The following INPP5A variants were observed in gnomAD, a reference collection of about 807,000 sequenced individuals.
INPP5A encodes the protein inositol polyphosphate-5-phosphatase A, also known as 43 kDa inositol polyphosphate 5-phophatase.
In INPP5A, 14 loss-of-function variants were observed where a neutral mutation model predicts 65.2. The observed-to-expected ratio is 0.21, with a 90% CI of 0.14 to 0.34. The LOEUF is 0.34. INPP5A is among the 10% of genes least tolerant of loss of function. The pLI, the probability that INPP5A is intolerant of heterozygous loss-of-function variation, is 1.00. For synonymous variants in INPP5A, 207 were observed against 208.3 expected (o/e 0.99, Z 0.05); for missense variants, 431 against 545.6 (o/e 0.79, Z 2.09).
At chr10:132,752,357 G>A (rs1175749087) in intron 11 of INPP5A, among the ~76,000 whole-genome samples, 4 of 151,530 alleles carry the variant, frequency 2.6e-5, no homozygotes, top group African/African-American at 9.7e-5. Context: ...GGCTCCCTCA[G>A]CCACAGGTAG....
At chr10:132,708,851 T>C (rs1227255739) in intron 7 of INPP5A, among the ~76,000 whole-genome samples, 2 of 152,164 alleles carry the variant, frequency 1.3e-5, no homozygotes, top group African/African-American at 4.8e-5. Flanking sequence ...CGCCCCACCT[T>C]TTCTGCATCA....
At chr10:132,774,968 AGAGGGACAGGGAG>A (rs1423389853) in intron 12 of INPP5A, among the ~76,000 whole-genome samples, 5 of 55,864 alleles carry the variant, frequency 9.0e-5, no homozygotes, top group Non-Finnish European at 1.1e-4. Context: ...CAGGGAGGAG[AGAGGGACAGGGAG>A]GAGGGGCAGG....
intron 1 of INPP5A, among the ~76,000 whole-genome samples, chr10:132,568,004 A>T (rs2071292795): frequency 1.3e-5 from 2 of 152,150 alleles, no homozygotes. Flanking sequence ...CATCCTGGCC[A>T]ACATAGTGAA....
chr10:132,608,591 G>T (rs934884052), intron 2 of INPP5A, among the ~76,000 whole-genome samples: 2 of 152,208 alleles, frequency 1.3e-5, no homozygotes. Flanking sequence ...GTGGGGTGGC[G>T]CCAGAGGCCT....
chr10:132,697,918 A>G lies in INPP5A; in HGVS notation c.473A>G (p.Glu158Gly). The change falls in exon 6 of 16, where the codon GAG becomes GGG. Residue 158 changes from glutamate to glycine, a missense_variant and splice_region_variant. Glu to Gly is a moderately conservative substitution (Grantham distance 98). Transcript: ENST00000368594. The surrounding 1 kb of genome is among the most constrained non-coding windows in gnomAD (Gnocchi z 5.6). ...AAGTTTCCGCAGGACTACTTCCCCGAGGTACGTAGCGAGGCTTTCTCACTG... is the reference window on the plus strand; with the variant it reads ...AAGTTTCCGCAGGACTACTTCCCCGGGGTACGTAGCGAGGCTTTCTCACTG... ...KEKFPQDYFP[E>G]CKWSRKGFIR... 1 of 1,600,926 alleles carries G rather than the reference A, an allele frequency of 6.2e-7. No homozygotes were observed. Among genetic ancestry groups the G allele is most frequent in the Non-Finnish European group, 8.6e-7 (1 of 1,168,348 alleles).
chr10:132,748,424 G>T (rs2134634314), intron 9 of INPP5A, among the ~76,000 whole-genome samples: 1 of 152,300 alleles, frequency 6.6e-6, no homozygotes, highest in South Asian at 2.1e-4. Flanking sequence ...CCCTTGTTCG[G>T]TGAGGTTCTA....
intron 2 of INPP5A, among the ~76,000 whole-genome samples, chr10:132,614,329 T>C (rs1276474907): frequency 6.6e-6 from 1 of 152,092 alleles, no homozygotes; most frequent in Non-Finnish European, 1.5e-5. Flanking sequence ...TAGCCAGGCA[T>C]GGTGGTGGGC....
intron 8 of INPP5A, among the ~76,000 whole-genome samples, chr10:132,712,959 G>C (rs544349189): frequency 6.7e-6 from 1 of 149,464 alleles, no homozygotes; most frequent in South Asian, 2.1e-4. Context: ...TGGGTGTGTG[G>C]GTGCATGTGG....
chr10:132,775,151 GGAGGAGAGAGGGGCAGA>G (rs879401294), intron 12 of INPP5A, among the ~76,000 whole-genome samples: 15 of 114,734 alleles, frequency 1.3e-4, no homozygotes, highest in Non-Finnish European at 2.0e-4. Context: ...AGAGGGGCAG[GGAGGAGAGAGGGGCAGA>G]GAGGAGGGGC....
chr10:132,610,022 G>A (rs1213714771), intron 2 of INPP5A, among the ~76,000 whole-genome samples: 1 of 152,242 alleles, frequency 6.6e-6, no homozygotes, highest in East Asian at 1.9e-4. Context: ...CAGCCCCGCA[G>A]GAGCAGAGTT....
At chr10:132,557,139 G>A (rs1050072912) in intron 1 of INPP5A, among the ~76,000 whole-genome samples, 5 of 152,234 alleles carry the variant, frequency 3.3e-5, no homozygotes, top group African/African-American at 1.2e-4. Context: ...CGACGGGCCC[G>A]GCTTTCTGGG....
At chr10:132,712,021 G>C in intron 8 of INPP5A, among the ~76,000 whole-genome samples, 1 of 152,218 alleles carries the variant, frequency 6.6e-6, no homozygotes, top group Non-Finnish European at 1.5e-5. Context: ...AGATGCTCAA[G>C]AGCAGGAGTG....
At position 132,545,661 on chromosome 10, in the gene INPP5A, C is replaced by G. The variant is rs1430130004; in HGVS notation, c.75+7490C>G. Among the ~76,000 whole-genome samples, 1 of 152,220 alleles carries G rather than the reference C, an allele frequency of 6.6e-6. No homozygotes were observed. Among genetic ancestry groups the G allele is most frequent in the African/African-American group, 2.4e-5 (1 of 41,456 alleles). On this transcript the variant is annotated intron_variant, in intron 1 of 15. Transcript: ENST00000368594. The surrounding 1 kb of genome is among the most constrained non-coding windows in gnomAD (Gnocchi z 4.6). ...CGGACCTGAAAGTGCTGTCAAGTTC[C>G]CCCTTCCTTTGCTCGGTTTCATTAA...
In INPP5A at chr10:132,707,221, C is replaced by T. The variant is rs1026476146; in HGVS notation, c.475-1092C>T. On this transcript the variant is annotated intron_variant, in intron 6 of 15. Coordinates refer to ENST00000368594, the MANE Select transcript of INPP5A (RefSeq NM_005539.5). This position sits in a 1 kb window ranked among gnomAD's most constrained non-coding sequence, Gnocchi z 5.5. ...CTGTCCTGCTTTCCTTCTCTGCCAG[C>T]CCATGAGCACCAAGAACAGCAGCCC... Among the ~76,000 whole-genome samples the T allele has an allele frequency of 6.6e-5, 10 of 152,214 alleles. No homozygotes were observed. The highest frequency in any genetic ancestry group is 2.4e-4 in the African/African-American group (10 of 41,452).
chr10:132,670,022 C>A (rs1157937637), intron 4 of INPP5A, among the ~76,000 whole-genome samples: 1 of 146,682 alleles, frequency 6.8e-6, no homozygotes, highest in African/African-American at 2.5e-5. Context: ...CAGCCACTGA[C>A]CCCACACCCC....
Position 132,697,769 on chromosome 10 carries a change from G to T in INPP5A, c.371-47G>T, listed in dbSNP as rs1241630988. 5 of 1,313,352 alleles carry T rather than the reference G, an allele frequency of 3.8e-6. No homozygotes were observed. The highest frequency in any genetic ancestry group is 4.7e-5 in the East Asian group (2 of 42,920). 81.4% of individuals were successfully genotyped at this position (1,313,352 alleles called of 1,614,324 possible). A position where few individuals can be genotyped will look rare whatever the true frequency, so the allele number is the denominator to read the frequency against. On this transcript the variant is annotated intron_variant, in intron 5 of 15. Coordinates refer to ENST00000368594, the MANE Select transcript of INPP5A (RefSeq NM_005539.5). The surrounding 1 kb of genome is among the most constrained non-coding windows in gnomAD (Gnocchi z 5.6). ...AGGTTGTGCTCCAGGCTGGTTGGAT[G>T]GGGCACAGTGATGGGATAGTCACCT...
intron 2 of INPP5A, among the ~76,000 whole-genome samples, chr10:132,618,198 T>C (rs2072065949): frequency 6.6e-6 from 1 of 152,226 alleles, no homozygotes; most frequent in Admixed American, 6.5e-5. Context: ...TGTTTATTTA[T>C]CAGGGAGAGA....
chr10:132,691,937 G>A (rs978285750), intron 5 of INPP5A, among the ~76,000 whole-genome samples: 1 of 152,064 alleles, frequency 6.6e-6, no homozygotes, highest in Admixed American at 6.5e-5. Flanking sequence ...GTGCGGTCGC[G>A]GGAGGCGTGC....
intron 2 of INPP5A, among the ~76,000 whole-genome samples, chr10:132,619,215 G>A (rs2072081139): frequency 6.6e-6 from 1 of 152,234 alleles, no homozygotes; most frequent in African/African-American, 2.4e-5. Flanking sequence ...TATAGGTATT[G>A]GGTAAACATT....
Sources: allele counts gnomAD v4.1 joint callset (sites outside exome capture counted in the v4.1 genomes callset), GRCh38; gene constraint gnomAD v4.1.1; non-coding constraint Gnocchi (gnomAD v3.1); transcripts MANE v1.5; gene names NCBI Gene and HGNC (gene_info 2026-07-23, HGNC 2026-07-21).